Variants in AGBL4 observed in about 807,000 individuals in gnomAD.
AGBL4 encodes the protein AGBL carboxypeptidase 4, also known as cytosolic carboxypeptidase 6.
A neutral mutation model predicts 66.4 loss-of-function variants in AGBL4; 58 were observed. That is an observed-to-expected ratio of 0.87 (90% CI 0.71 to 1.09). AGBL4 has a LOEUF of 1.09. Ranked by LOEUF, AGBL4 falls within the 50% of genes least tolerant of loss-of-function variation. AGBL4 has a pLI of 0.00. For missense variants in AGBL4, 579 were observed against 631.0 expected, an observed-to-expected ratio of 0.92 and a Z score of 0.88; for synonymous variants, 234 against 222.9, an observed-to-expected ratio of 1.05 and a Z score of -0.44.
chr1:48,696,833 G>A (rs1020144566), intron 6 of AGBL4, among the ~76,000 whole-genome samples: 11 of 152,292 alleles, frequency 7.2e-5, no homozygotes, highest in Admixed American at 4.6e-4. Flanking sequence ...CTTCAAACAC[G>A]CAGAATCAAG....
intron 3 of AGBL4, among the ~76,000 whole-genome samples, chr1:49,617,239 T>C (rs1393831881): frequency 6.6e-6 from 1 of 152,120 alleles, no homozygotes; most frequent in Non-Finnish European, 1.5e-5. Flanking sequence ...ACTCAAGACT[T>C]TTGCCCCTGT....
intron 3 of AGBL4, among the ~76,000 whole-genome samples, chr1:49,431,272 TA>T: frequency 6.6e-6 from 1 of 152,254 alleles, no homozygotes; most frequent in Admixed American, 6.5e-5. Flanking sequence ...GTTAAGTTCA[TA>T]AAAAAACTCC....
intron 9 of AGBL4, among the ~76,000 whole-genome samples, chr1:48,613,766 C>T (rs980188300): frequency 6.6e-6 from 1 of 152,212 alleles, no homozygotes; most frequent in Admixed American, 6.5e-5. Flanking sequence ...ACTTACAGCC[C>T]TTATAGAGCA....
At chr1:48,738,307 A>T (rs1250591396) in intron 6 of AGBL4, among the ~76,000 whole-genome samples, 3 of 152,246 alleles carry the variant, frequency 2.0e-5, no homozygotes, top group Non-Finnish European at 4.4e-5. Context: ...GCAGGCAATC[A>T]GATAACTAGA....
intron 5 of AGBL4, among the ~76,000 whole-genome samples, chr1:48,980,429 G>A (rs1021803019): frequency 6.6e-6 from 1 of 151,870 alleles, no homozygotes; most frequent in African/African-American, 2.4e-5. Context: ...CATAATCCAG[G>A]GAACTGACAG....
At chr1:49,594,076 G>A (rs1019183302) in intron 3 of AGBL4, among the ~76,000 whole-genome samples, 13 of 152,100 alleles carry the variant, frequency 8.5e-5, no homozygotes, top group Admixed American at 2.0e-4. Flanking sequence ...AAATGCTTAC[G>A]TGAAAATTCG....
At chr1:49,962,427 G>T (rs1657194621) in intron 1 of AGBL4, among the ~76,000 whole-genome samples, 1 of 152,066 alleles carries the variant, frequency 6.6e-6, no homozygotes, top group Non-Finnish European at 1.5e-5. Context: ...GGGCACATTT[G>T]AAAAATTGAT....
chr1:48,597,293 A>G (rs915862556), intron 9 of AGBL4, among the ~76,000 whole-genome samples: 8 of 152,190 alleles, frequency 5.3e-5, no homozygotes, highest in Non-Finnish European at 1.2e-4. Context: ...TCCTGGTGCT[A>G]TCATAGGACT....
chr1:49,917,168 T>C (rs1246656186), intron 1 of AGBL4, among the ~76,000 whole-genome samples: 2 of 151,896 alleles, frequency 1.3e-5, no homozygotes, highest in African/African-American at 4.8e-5. Context: ...TAGGAAGAAA[T>C]TGCATCAACT....
At chr1:48,539,518 C>CGT in intron 12 of AGBL4, 124 bp downstream of exon 12, 1 of 694,892 alleles carries the variant, frequency 1.4e-6, no homozygotes, top group Non-Finnish European at 2.1e-6. Flanking sequence ...GTGGCAGGGC[C>CGT]AGGATTATCT....
intron 4 of AGBL4, among the ~76,000 whole-genome samples, chr1:49,186,953 T>C (rs1647026115): frequency 6.6e-6 from 1 of 152,114 alleles, no homozygotes; most frequent in South Asian, 2.1e-4. Context: ...ACAATGTCCA[T>C]GAAATGAAGT....
At chr1:49,375,230 A>C (rs553847176) in intron 3 of AGBL4, among the ~76,000 whole-genome samples, 3 of 152,232 alleles carry the variant, frequency 2.0e-5, no homozygotes, top group African/African-American at 7.2e-5. Flanking sequence ...CAGTGGGTAG[A>C]AGCATATGGG....
chr1:49,369,159 A>T (rs1285465173), intron 3 of AGBL4, among the ~76,000 whole-genome samples: 1 of 152,212 alleles, frequency 6.6e-6, no homozygotes, highest in Non-Finnish European at 1.5e-5. Context: ...AATTAGCAGC[A>T]CACAAAGGTT....
chr1:49,232,795 G>T (rs1650427668), intron 4 of AGBL4, among the ~76,000 whole-genome samples: 1 of 150,092 alleles, frequency 6.7e-6, no homozygotes, highest in African/African-American at 2.4e-5. Context: ...TTAAAATTAT[G>T]AAAGCAATGA....
At chr1:49,930,700 T>C (rs1006145893) in intron 1 of AGBL4, among the ~76,000 whole-genome samples, 1 of 152,132 alleles carries the variant, frequency 6.6e-6, no homozygotes, top group African/African-American at 2.4e-5. Context: ...ATTAAAAGCA[T>C]ATGATGACGT....
intron 3 of AGBL4, among the ~76,000 whole-genome samples, chr1:49,478,642 A>T (rs1646892786): frequency 6.6e-6 from 1 of 152,054 alleles, no homozygotes; most frequent in Non-Finnish European, 1.5e-5. Context: ...GTAAAAAATC[A>T]TCAGAAGGTA....
chr1:48,634,638 C>T (rs1557843013), intron 8 of AGBL4, 34 bp from the exon 9 acceptor site: 2 of 1,479,328 alleles, frequency 1.4e-6, no homozygotes, highest in South Asian at 2.5e-5. Context: ...TCAATATAGA[C>T]AGGATAAGCT....
rs79224286 is a variant in AGBL4, at chr1:49,464,748, G to GA, written c.283-218885dup. Among the ~76,000 whole-genome samples, 121 of 150,756 alleles carry GA rather than the reference G, an allele frequency of 8.0e-4. 4 individuals carry two copies. The East Asian group carries it at 0.019, about 24-fold the overall frequency. On this transcript the variant is annotated intron_variant, in intron 3 of 13. Coordinates refer to ENST00000371839, the MANE Select transcript of AGBL4 (RefSeq NM_032785.4). ...AGGGCTGATACCCAAGCCACGAATAGAAAAAAAAATCATTTGCCTGTGTGG... is the reference window on the plus strand; with the variant it reads ...AGGGCTGATACCCAAGCCACGAATAGAAAAAAAAAATCATTTGCCTGTGTGG...
In AGBL4 at chr1:48,663,096, T is replaced by A. The variant is rs1570172313; in HGVS notation, c.724+56A>T. 6 of 1,526,154 alleles carry A rather than the reference T, an allele frequency of 3.9e-6. No individual in the cohort carries two copies. In the East Asian group the frequency reaches 1.4e-4, roughly 34 times the overall value. The allele number at this position is 1,526,154 out of a possible 1,614,324, so 94.5% of individuals were successfully genotyped here. Reference sequence around the variant, plus strand: ...TGTGGCCACACTGTTCCAGAGATCATCACAGTGTCCCAGTTGGATGTGGGT... The same window carrying A: ...TGTGGCCACACTGTTCCAGAGATCAACACAGTGTCCCAGTTGGATGTGGGT... On this transcript the variant is annotated intron_variant, in intron 7 of 13. Coordinates refer to ENST00000371839, the MANE Select transcript of AGBL4 (RefSeq NM_032785.4).
Sources: allele counts gnomAD v4.1 joint callset (sites outside exome capture counted in the v4.1 genomes callset), GRCh38; gene constraint gnomAD v4.1.1; transcripts MANE v1.5; gene names NCBI Gene and HGNC (gene_info 2026-07-23, HGNC 2026-07-21).